CNOT6L: variants seen among roughly 807,000 people sequenced by gnomAD.
The protein encoded by CNOT6L is CCR4-NOT transcription complex subunit 6-like.
In CNOT6L, 7 loss-of-function variants were observed where a neutral mutation model predicts 64.0. That is an observed-to-expected ratio of 0.11 (90% CI 0.06 to 0.21). The LOEUF (loss-of-function observed/expected upper bound fraction) is 0.21, where lower values mean the gene tolerates loss of function less well. Ranked by LOEUF, CNOT6L falls within the 10% of genes least tolerant of loss-of-function variation. The pLI is 1.00. For missense variants in CNOT6L, 245 were observed against 669.0 expected (o/e 0.37, Z 6.99); for synonymous variants, 193 against 243.4 (o/e 0.79, Z 1.93).
intron 1 of CNOT6L, among the ~76,000 whole-genome samples, chr4:77,787,256 ACT>A (rs35006076): frequency 0.51 from 77,999 of 151,598 alleles, 20,273 homozygotes; most frequent in Admixed American, 0.55. Context: ...ACAAAGTGAG[ACT>A]CTGTCTCAAA....
chr4:77,735,914 A>G (rs1304932938), intron 8 of CNOT6L, among the ~76,000 whole-genome samples: 1 of 152,180 alleles, frequency 6.6e-6, no homozygotes, highest in African/African-American at 2.4e-5. Context: ...TTAGTTATTG[A>G]TCTTTCTTCA....
At chr4:77,796,811 T>C (rs1730899341) in intron 1 of CNOT6L, among the ~76,000 whole-genome samples, 1 of 151,848 alleles carries the variant, frequency 6.6e-6, no homozygotes, top group South Asian at 2.1e-4. Flanking sequence ...CCAGGTGTGG[T>C]GGCTCATGCC....
At chr4:77,788,604 T>C (rs995199253) in intron 1 of CNOT6L, among the ~76,000 whole-genome samples, 4 of 152,096 alleles carry the variant, frequency 2.6e-5, no homozygotes, top group Admixed American at 2.0e-4. Flanking sequence ...GGCATGTGCC[T>C]GTAGTCCCAG....
intron 10 of CNOT6L, among the ~76,000 whole-genome samples, chr4:77,727,142 A>AAG (rs1721946860): frequency 1.3e-5 from 2 of 152,216 alleles, no homozygotes; most frequent in African/African-American, 4.8e-5. Flanking sequence ...CAGTATTGTA[A>AAG]ATAGCTCAGA....
At chr4:77,789,829 T>C (rs2110105429) in intron 1 of CNOT6L, among the ~76,000 whole-genome samples, 1 of 151,838 alleles carries the variant, frequency 6.6e-6, no homozygotes, top group East Asian at 1.9e-4. Context: ...CATGTGCCTA[T>C]GTTCTCAGCT....
chr4:77,784,688 T>A (rs1729246956), intron 1 of CNOT6L, among the ~76,000 whole-genome samples: 1 of 152,124 alleles, frequency 6.6e-6, no homozygotes, highest in Non-Finnish European at 1.5e-5. Flanking sequence ...TTTCACCATG[T>A]TGCCCAGGCT....
intron 1 of CNOT6L, among the ~76,000 whole-genome samples, chr4:77,808,915 T>C (rs74962669): frequency 0.017 from 2,657 of 152,332 alleles, 71 homozygotes; most frequent in African/African-American, 0.06. Context: ...GTGTTTTAAA[T>C]TCAAATAGAT....
At chr4:77,748,043 T>G (rs1326717849) in intron 6 of CNOT6L, among the ~76,000 whole-genome samples, 1 of 152,112 alleles carries the variant, frequency 6.6e-6, no homozygotes, top group African/African-American at 2.4e-5. Context: ...ACTTAAATCT[T>G]AAATCACCCA....
intron 8 of CNOT6L, among the ~76,000 whole-genome samples, chr4:77,741,662 C>CTA (rs1342803323): frequency 6.6e-6 from 1 of 152,122 alleles, no homozygotes; most frequent in Non-Finnish European, 1.5e-5. Flanking sequence ...TATGTCTTGA[C>CTA]TATCTTTGTG....
intron 3 of CNOT6L, 67 bp from the exon 4 acceptor site, chr4:77,773,233 T>A: frequency 2.1e-6 from 2 of 957,602 alleles, no homozygotes; most frequent in Non-Finnish European, 3.1e-6. Flanking sequence ...TATTTGCCAT[T>A]CTTAAGGCTC....
rs1001477249 is a variant in CNOT6L, at chr4:77,777,961, A to G, written c.6-1569T>C. 3.4e-4 allele frequency among the ~76,000 whole-genome samples: 51 copies of G among 152,202 alleles called. 1 individual carries two copies. Among genetic ancestry groups the G allele is most frequent in the Admixed American group, 7.9e-4 (12 of 15,282 alleles). On this transcript the variant is annotated intron_variant, in intron 1 of 11. Coordinates refer to ENST00000504123, the MANE Select transcript of CNOT6L (RefSeq NM_144571.3). Reference sequence around the variant, plus strand: ...TAAAGGAGCAAAGAGAAAGTTTTCCATATCTGTTCATATGTTAACAGTAAT... The same window carrying G: ...TAAAGGAGCAAAGAGAAAGTTTTCCGTATCTGTTCATATGTTAACAGTAAT...
chr4:77,805,160 C>T (rs954512316), intron 1 of CNOT6L, among the ~76,000 whole-genome samples: 17 of 152,136 alleles, frequency 1.1e-4, no homozygotes, highest in African/African-American at 4.1e-4. Flanking sequence ...CAAGAAACTA[C>T]TGTATATATT....
intron 1 of CNOT6L, among the ~76,000 whole-genome samples, chr4:77,797,750 GAA>G (rs1051338316): frequency 1.7e-4 from 26 of 152,134 alleles, no homozygotes; most frequent in African/African-American, 6.3e-4. Flanking sequence ...TGTGAAGAAG[GAA>G]ACAGAAATTC....
intron 8 of CNOT6L, among the ~76,000 whole-genome samples, chr4:77,732,476 A>C (rs953986363): frequency 2.0e-5 from 3 of 152,076 alleles, no homozygotes; most frequent in African/African-American, 7.2e-5. Context: ...CTTTCCTTCA[A>C]GCTTTGAAAA....
intron 1 of CNOT6L, among the ~76,000 whole-genome samples, chr4:77,803,994 A>G (rs955768567): frequency 2.0e-5 from 3 of 152,222 alleles, no homozygotes; most frequent in African/African-American, 7.2e-5. Flanking sequence ...GTTAAAACAC[A>G]GAAATACGTA....
chr4:77,754,283 A>G (rs1042047173), intron 5 of CNOT6L, among the ~76,000 whole-genome samples: 6 of 152,208 alleles, frequency 3.9e-5, no homozygotes, highest in African/African-American at 1.4e-4. Flanking sequence ...GTATTCCATT[A>G]ATCAGTAACA....
chr4:77,732,900 C>A lies in CNOT6L; in HGVS notation c.873-1362G>T, dbSNP rs190652458. ...ATTTGATTTATGTTTTTTAAGATCA[C>A]TTAGCTGCTCAATTAAAGAACTGAT... On this transcript the variant is annotated intron_variant, in intron 8 of 11. Transcript: ENST00000504123. 6.6e-4 allele frequency among the ~76,000 whole-genome samples: 101 copies of A among 152,132 alleles called. No individual in the cohort carries two copies. The Middle Eastern group carries it at 0.01, about 15-fold the overall frequency.
At chr4:77,743,327 G>A (rs955787961) in intron 7 of CNOT6L, among the ~76,000 whole-genome samples, 4 of 151,896 alleles carry the variant, frequency 2.6e-5, no homozygotes, top group African/African-American at 7.3e-5. Flanking sequence ...GAGGGTGTGA[G>A]GCTGTTATCA....
chr4:77,812,722 C>T (rs1733099494), intron 1 of CNOT6L, among the ~76,000 whole-genome samples: 1 of 151,902 alleles, frequency 6.6e-6, no homozygotes, highest in African/African-American at 2.4e-5. Flanking sequence ...GGACAGGAAG[C>T]CCTAATATTC....
Sources: gnomAD v4.1 joint callset for allele counts (sites outside exome capture counted in the v4.1 genomes callset) on GRCh38, gnomAD v4.1.1 for gene constraint, MANE v1.5 for transcripts, NCBI Gene and HGNC (gene_info 2026-07-23, HGNC 2026-07-21) for gene names.